The following SNX8 variants were observed in gnomAD, a reference collection of about 807,000 sequenced individuals.
The protein encoded by SNX8 is sorting nexin 8, also known as sorting nexin-8.
A neutral mutation model predicts 51.6 loss-of-function variants in SNX8; 25 were observed. That is an observed-to-expected ratio of 0.48 (90% CI 0.35 to 0.68). The LOEUF (loss-of-function observed/expected upper bound fraction) is 0.68, where lower values mean the gene tolerates loss of function less well. Ranked by LOEUF, SNX8 falls within the 30% of genes least tolerant of loss-of-function variation. The probability of loss-of-function intolerance (pLI) is 0.00; values close to 1 mark genes in which losing one functional copy is unlikely to be tolerated. For missense variants in SNX8, 695 were observed against 624.0 expected (o/e 1.11, Z -1.21); for synonymous variants, 324 against 277.0 (o/e 1.17, Z -1.68).
chr7:2,265,202 C>G (rs1212282660), intron 5 of SNX8, among the ~76,000 whole-genome samples: 4 of 152,008 alleles, frequency 2.6e-5, no homozygotes, highest in Admixed American at 2.0e-4. Flanking sequence ...ATTAGCCGAG[C>G]CTGGTGGTGG....
In SNX8 at chr7:2,257,823, T is replaced by C; in HGVS notation, c.916-20A>G. On this transcript the variant is annotated intron_variant, in intron 7 of 10. Coordinates refer to ENST00000222990, the MANE Select transcript of SNX8 (RefSeq NM_013321.4). ...CTTACCCTGGAAGGCGAGGGGGAGC[T>C]CACCCACGCGGACGCACATAGGACC... is the stretch of plus-strand genomic sequence containing the variant. 2 of 1,612,592 alleles carry C rather than the reference T, an allele frequency of 1.2e-6. No individual in the cohort carries two copies. The highest frequency in any genetic ancestry group is 1.7e-6 in the Non-Finnish European group (2 of 1,178,948).
chr7:2,336,011 G>C (rs1214321236), intron 1 of SNX8, among the ~76,000 whole-genome samples: 1 of 151,536 alleles, frequency 6.6e-6, no homozygotes, highest in Non-Finnish European at 1.5e-5. Flanking sequence ...GCTGAGACAG[G>C]AGAATTGTTT....
In SNX8 at chr7:2,352,207, C is replaced by T. The variant is rs547649601; in HGVS notation, c.-66+2015G>A. ...GATTACAGGTGTGAGCCACCATGCC[C>T]GGCCATAATTTCCTTCTTCTAATAA... On this transcript the variant is annotated intron_variant, in intron 1 of 5. Coordinates refer to the SNX8 transcript ENST00000435336. Among the ~76,000 whole-genome samples the T allele has an allele frequency of 1.6e-4, 25 of 151,968 alleles. No individual in the cohort carries two copies. The South Asian group carries it at 3.7e-3, about 23-fold the overall frequency.
In SNX8 at chr7:2,341,798, C is replaced by G. The variant is rs61421694; in HGVS notation, c.-66+12424G>C. On this transcript the variant is annotated intron_variant, in intron 1 of 5. Transcript: ENST00000435336. ...GGTCAGGAGTTCAAGACCAGCCTGG[C>G]CAACATGGTGAAGCCCCGTCTCTAC... Among the ~76,000 whole-genome samples, 381 of 151,998 alleles carry G rather than the reference C, an allele frequency of 2.5e-3. 1 individual carries two copies. The highest frequency in any genetic ancestry group is 8.9e-3 in the African/African-American group (368 of 41,462).
At chr7:2,327,823 G>A (rs559461257) in intron 1 of SNX8, among the ~76,000 whole-genome samples, 12 of 152,150 alleles carry the variant, frequency 7.9e-5, no homozygotes, top group East Asian at 1.9e-4. Flanking sequence ...ATTGACAGGC[G>A]TGAGCCACCG....
chr7:2,310,331 A>G (rs1428062603), intron 1 of SNX8, among the ~76,000 whole-genome samples: 2 of 152,184 alleles, frequency 1.3e-5, no homozygotes, highest in East Asian at 3.8e-4. Context: ...AATAGTTTCA[A>G]TATAAAATCC....
chr7:2,314,309 C>G lies in SNX8; in HGVS notation c.94+19G>C. The G allele has an allele frequency of 8.2e-7, 1 of 1,220,440 alleles. No individual in the cohort carries two copies. Among genetic ancestry groups the G allele is most frequent in the African/African-American group, 1.6e-5 (1 of 63,954 alleles). The allele number at this position is 1,220,440 out of a possible 1,614,324, so 75.6% of individuals were successfully genotyped here. On this transcript the variant is annotated intron_variant, in intron 1 of 10. Coordinates refer to ENST00000222990, the MANE Select transcript of SNX8 (RefSeq NM_013321.4). ...GCGCGCCCTGGGCAGGTGGGGGCTA[C>G]CGCCGCCCCACGCCCTACCTGACGC...
chr7:2,287,632 T>G (rs1381777088), intron 1 of SNX8, among the ~76,000 whole-genome samples: 1 of 151,794 alleles, frequency 6.6e-6, no homozygotes, highest in African/African-American at 2.4e-5. Context: ...GCACCTATAG[T>G]CCCAGCTACT....
intron 1 of SNX8, among the ~76,000 whole-genome samples, chr7:2,334,936 T>A (rs1482014063): frequency 7.6e-6 from 1 of 131,292 alleles, no homozygotes; most frequent in Non-Finnish European, 1.6e-5. Flanking sequence ...TCATTTACAA[T>A]AGCCAGAGGT....
intron 1 of SNX8, chr7:2,337,297 A>G (rs938838466): frequency 6.6e-6 from 1 of 152,160 alleles, no homozygotes; most frequent in African/African-American, 2.4e-5. Flanking sequence ...AAGTAAAACA[A>G]TTAGTGAGGC....
intron 1 of SNX8, among the ~76,000 whole-genome samples, chr7:2,352,667 C>A (rs1351457231): frequency 6.6e-6 from 1 of 151,784 alleles, no homozygotes; most frequent in Non-Finnish European, 1.5e-5. Context: ...CTCGTCTCTA[C>A]TAAAAAAATA....
intron 1 of SNX8, among the ~76,000 whole-genome samples, chr7:2,304,367 AC>A (rs1303461758): frequency 1.3e-5 from 2 of 150,116 alleles, no homozygotes; most frequent in African/African-American, 2.4e-5. Flanking sequence ...ACAGGGTGAA[AC>A]CCCATCTCCA....
At chr7:2,308,659 C>G (rs1796598852) in intron 1 of SNX8, among the ~76,000 whole-genome samples, 1 of 100,622 alleles carries the variant, frequency 9.9e-6, no homozygotes. Context: ...GAGTGAGACT[C>G]TGTCTCAAAA....
chr7:2,258,006 GTCT>G (rs1361475864), intron 7 of SNX8, among the ~76,000 whole-genome samples: 4 of 139,262 alleles, frequency 2.9e-5, no homozygotes, highest in African/African-American at 1.2e-4. Flanking sequence ...GAGCCCAGCA[GTCT>G]TTTTTTTTTT....
At chr7:2,265,481 C>CA (rs1236203048) in intron 5 of SNX8, among the ~76,000 whole-genome samples, 1 of 151,808 alleles carries the variant, frequency 6.6e-6, no homozygotes, top group African/African-American at 2.4e-5. Context: ...CCATCTCTCC[C>CA]AAAAAATCAA....
upstream of SNX8, among the ~76,000 whole-genome samples, chr7:2,318,338 G>A (rs1796785765): frequency 6.6e-6 from 1 of 151,004 alleles, no homozygotes; most frequent in Non-Finnish European, 1.5e-5. Flanking sequence ...ATCACCTGAG[G>A]TCAGGAGTTC....
Position 2,349,051 on chromosome 7 carries a change from TA to T in SNX8, c.-66+5170del, listed in dbSNP as rs550961000. On this transcript the variant is annotated intron_variant, in intron 1 of 5. Transcript: ENST00000435336. ...AATTTTTTTTTCTTTAAAAAAATTG[TA>T]AAAAAGCCTGGTGAGGTGGCTTACA... Among the ~76,000 whole-genome samples, 466 of 140,196 alleles carry T rather than the reference TA, an allele frequency of 3.3e-3. 2 individuals carry two copies. The highest frequency in any genetic ancestry group is 0.012 in the African/African-American group (445 of 37,646). 92.0% of individuals were successfully genotyped at this position (140,196 alleles called of 152,430 possible).
chr7:2,279,658 G>A (rs1442979442), intron 1 of SNX8, among the ~76,000 whole-genome samples: 1 of 151,238 alleles, frequency 6.6e-6, no homozygotes, highest in African/African-American at 2.4e-5. Flanking sequence ...CTCGGGAGGT[G>A]AGAGGATCAC....
At position 2,325,605 on chromosome 7, in the gene SNX8, A is replaced by G. The variant is rs573646712; in HGVS notation, c.-66+28617T>C. 7.2e-5 allele frequency among the ~76,000 whole-genome samples: 11 copies of G among 152,140 alleles called. No homozygotes were observed. The South Asian group carries it at 2.1e-3, about 29-fold the overall frequency. ...CACTTTGGGAGGCTGAGGTGGGCGG[A>G]TTGCTTGAGCTCAGGAATTTGAGAC... is the stretch of plus-strand genomic sequence containing the variant. On this transcript the variant is annotated intron_variant, in intron 1 of 5. Transcript: ENST00000435336.
Sources: allele counts gnomAD v4.1 joint callset (sites outside exome capture counted in the v4.1 genomes callset), GRCh38; gene constraint gnomAD v4.1.1; transcripts MANE v1.5; gene names NCBI Gene and HGNC (gene_info 2026-07-23, HGNC 2026-07-21).